The following HDAC4 variants were observed in gnomAD, a reference collection of about 807,000 sequenced individuals.
The protein encoded by HDAC4 is histone deacetylase 4.
A neutral mutation model predicts 135.1 loss-of-function variants in HDAC4; 16 were observed. The observed-to-expected ratio is 0.12, with a 90% CI of 0.08 to 0.18. HDAC4 has a LOEUF of 0.18. Among genes scored for constraint, HDAC4 ranks in the 10% least tolerant of loss-of-function variants. The probability of loss-of-function intolerance (pLI) is 1.00; values close to 1 mark genes in which losing one functional copy is unlikely to be tolerated. For missense variants in HDAC4, 1,143 were observed against 1,511.8 expected (o/e 0.76, Z 4.05); for synonymous variants, 685 against 653.4 (o/e 1.05, Z -0.74).
intron 1 of HDAC4, among the ~76,000 whole-genome samples, chr2:239,361,335 G>A (rs1693854322): frequency 6.6e-6 from 1 of 152,184 alleles, no homozygotes; most frequent in Admixed American, 6.5e-5. Context: ...TGCCTTTTGG[G>A]GGCTAGAGTT....
chr2:239,378,186 G>A (rs552816177), intron 1 of HDAC4, among the ~76,000 whole-genome samples: 7 of 152,030 alleles, frequency 4.6e-5, no homozygotes, highest in South Asian at 2.1e-4. Flanking sequence ...ACCCTGAGGC[G>A]TCTGTCGAAG....
chr2:239,290,857 GCAGCCTCCAGGGCTCCTAT>G (rs1216233068), intron 2 of HDAC4, among the ~76,000 whole-genome samples: 1 of 152,192 alleles, frequency 6.6e-6, no homozygotes. Flanking sequence ...CATGTGAAAG[GCAGCCTCCAGGGCTCCTAT>G]CAAGTGGGTG....
chr2:239,299,996 C>T lies in HDAC4; in HGVS notation c.22+52682G>A, dbSNP rs67432149. Among the ~76,000 whole-genome samples the T allele has an allele frequency of 0.2, 30,817 of 152,134 alleles. 3,317 individuals are homozygous for T. The highest frequency in any genetic ancestry group is 0.23 in the Non-Finnish European group (15,591 of 67,988). On this transcript the variant is annotated intron_variant, in intron 2 of 26. Coordinates refer to ENST00000543185, the MANE Select transcript of HDAC4 (RefSeq NM_001378414.1). This position sits in a 1 kb window ranked among gnomAD's most constrained non-coding sequence, Gnocchi z 4.0. ...CCATGAATTTCTCCCGAATTCCATC[C>T]GTAAGTGCCTTTCAATCCATGCCAC...
chr2:239,154,126 T>C (rs1355818356), intron 7 of HDAC4, among the ~76,000 whole-genome samples: 3 of 152,166 alleles, frequency 2.0e-5, no homozygotes, highest in Admixed American at 6.5e-5. Flanking sequence ...GGAACTGCTC[T>C]GGGGCCTGAT....
rs561789203 is a variant in HDAC4, at chr2:239,094,124, C to T, written c.2280+886G>A. 494 of 985,428 alleles carry T rather than the reference C, an allele frequency of 5.0e-4. 1 individual carries two copies. The highest frequency in any genetic ancestry group is 3.5e-3 in the African/African-American group (199 of 57,358). 61.0% of individuals were successfully genotyped at this position (985,428 alleles called of 1,614,324 possible). On this transcript the variant is annotated intron_variant, in intron 17 of 26. Coordinates refer to ENST00000543185, the MANE Select transcript of HDAC4 (RefSeq NM_001378414.1). ...GGCTGCAGCGGCTCCTGCTGTCCAC[C>T]GGCTCCCGTCCTCCCTGCCTGTAAC...
Position 239,167,641 on chromosome 2 carries a change from C to A in HDAC4, c.491-3718G>T, listed in dbSNP as rs1475716556. 6.6e-6 allele frequency among the ~76,000 whole-genome samples: 1 copy of A among 152,086 alleles called. No homozygotes were observed. The highest frequency in any genetic ancestry group is 1.5e-5 in the Non-Finnish European group (1 of 68,038). On this transcript the variant is annotated intron_variant, in intron 5 of 26. Coordinates refer to ENST00000543185, the MANE Select transcript of HDAC4 (RefSeq NM_001378414.1). This position sits in a 1 kb window ranked among gnomAD's most constrained non-coding sequence, Gnocchi z 4.1. ...CACTTCTGGTTATGCACACGCTCAT[C>A]TGTCAACAGGTTTCTCACTTAAAGT...
In HDAC4 at chr2:239,308,595, C is replaced by T. The variant is rs2052722867; in HGVS notation, c.22+44083G>A. 6.6e-6 allele frequency among the ~76,000 whole-genome samples: 1 copy of T among 152,148 alleles called. No homozygotes were observed. Among genetic ancestry groups the T allele is most frequent in the South Asian group, 2.1e-4 (1 of 4,832 alleles). The stretch of plus-strand genomic sequence containing the variant: ...ACCACACTTCGTATCCAGGTGAGCT[C>T]GTTTTTTGTATTTCAAAAGCACAAA... On this transcript the variant is annotated intron_variant, in intron 2 of 26. Transcript: ENST00000543185. The surrounding 1 kb of genome is among the most constrained non-coding windows in gnomAD (Gnocchi z 4.2).
At chr2:239,087,467 C>T in intron 19 of HDAC4, 92 bp downstream of exon 19, 2 of 1,278,478 alleles carry the variant, frequency 1.6e-6, no homozygotes, top group Non-Finnish European at 1.1e-6. Context: ...AGCAGCCCAG[C>T]TCCCCGCAGT....
rs755538495 is a variant in HDAC4, at chr2:239,374,386, C to CTTTTTT, written c.-219-21474_-219-21469dup. Among the ~76,000 whole-genome samples, 135 of 56,710 alleles carry CTTTTTT rather than the reference C, an allele frequency of 2.4e-3. 12 individuals are homozygous for CTTTTTT. Among genetic ancestry groups the CTTTTTT allele is most frequent in the Non-Finnish European group, 2.8e-3 (93 of 33,554 alleles). 37.2% of individuals were successfully genotyped at this position (56,710 alleles called of 152,430 possible). On this transcript the variant is annotated intron_variant, in intron 1 of 26. Transcript: ENST00000543185. The stretch of plus-strand genomic sequence containing the variant: ...CACCCCAGATGAATAGAAAACAAGG[C>CTTTTTT]TTTTTTTTTTTTTTTTTTTTTTTTT...
intron 2 of HDAC4, among the ~76,000 whole-genome samples, chr2:239,278,324 G>A (rs2050510693): frequency 6.6e-6 from 1 of 151,386 alleles, no homozygotes; most frequent in East Asian, 1.9e-4. Flanking sequence ...GAAAGCATTT[G>A]TTTAAAAAAA....
chr2:239,381,828 A>G (rs1294070381), intron 1 of HDAC4, among the ~76,000 whole-genome samples: 2 of 152,184 alleles, frequency 1.3e-5, no homozygotes, highest in Non-Finnish European at 2.9e-5. Context: ...GACACTGACA[A>G]ATGTCCCCTG....
chr2:239,087,528 C>T, intron 19 of HDAC4, 31 bp downstream of exon 19: 1 of 1,607,870 alleles, frequency 6.2e-7, no homozygotes, highest in Non-Finnish European at 8.5e-7. Flanking sequence ...CCTGGGTTCC[C>T]CTGCTGTGCG....
intron 1 of HDAC4, among the ~76,000 whole-genome samples, chr2:239,385,759 G>A (rs1298804309): frequency 2.0e-5 from 3 of 152,244 alleles, no homozygotes; most frequent in South Asian, 2.1e-4. Flanking sequence ...AACTCACAAA[G>A]GGGACAGGAG....
intron 24 of HDAC4, among the ~76,000 whole-genome samples, chr2:239,062,937 C>A (rs2032969984): frequency 6.6e-6 from 1 of 152,178 alleles, no homozygotes; most frequent in East Asian, 1.9e-4. Flanking sequence ...CTGGCGCAGG[C>A]CCCTGCGATG....
intron 1 of HDAC4, among the ~76,000 whole-genome samples, chr2:239,357,353 A>C (rs1207870064): frequency 6.6e-6 from 1 of 152,196 alleles, no homozygotes; most frequent in Non-Finnish European, 1.5e-5. Flanking sequence ...AGGAGGAAAC[A>C]TAAGTACCAA....
intron 1 of HDAC4, among the ~76,000 whole-genome samples, chr2:239,396,019 C>T (rs1175549738): frequency 2.0e-5 from 3 of 152,180 alleles, no homozygotes; most frequent in Non-Finnish European, 2.9e-5. Context: ...CTGTGTCACT[C>T]AGGCTGAAGT....
At chr2:239,350,537 C>A (rs1047400059) in intron 2 of HDAC4, among the ~76,000 whole-genome samples, 1 of 151,844 alleles carries the variant, frequency 6.6e-6, no homozygotes, top group African/African-American at 2.4e-5. Context: ...CGGAGTCTTG[C>A]TCTGTCGCCA....
At chr2:239,348,359 G>A (rs927978352) in intron 2 of HDAC4, among the ~76,000 whole-genome samples, 2 of 152,190 alleles carry the variant, frequency 1.3e-5, no homozygotes, top group African/African-American at 2.4e-5. Flanking sequence ...CTTTCTCTAG[G>A]CACGAACATT....
At position 239,083,217 on chromosome 2, in the gene HDAC4, G is replaced by A. The variant is rs576240625; in HGVS notation, c.2532+938C>T. 1.3e-5 allele frequency among the ~76,000 whole-genome samples: 2 copies of A among 152,376 alleles called. 1 individual carries two copies. Among genetic ancestry groups the A allele is most frequent in the South Asian group, 4.1e-4 (2 of 4,828 alleles). ...CACAGGGTCTACGCAGCCTGTCTGC[G>A]TGTCCTAGCGCTTCACTCTTTTGGG... On this transcript the variant is annotated intron_variant, in intron 20 of 26. Transcript: ENST00000543185.
Sources: allele counts gnomAD v4.1 joint callset (sites outside exome capture counted in the v4.1 genomes callset), GRCh38; gene constraint gnomAD v4.1.1; non-coding constraint Gnocchi (gnomAD v3.1); transcripts MANE v1.5; gene names NCBI Gene and HGNC (gene_info 2026-07-23, HGNC 2026-07-21).